TNPO2: variants seen among roughly 807,000 people sequenced by gnomAD.
TNPO2 encodes the protein transportin 2, also known as transportin-2.
Under a neutral mutation model 111.1 loss-of-function variants are expected in TNPO2, and 16 were observed. The ratio of observed to expected loss-of-function variants is 0.14; its 90% CI spans 0.10 to 0.22. The LOEUF is 0.22. Among genes scored for constraint, TNPO2 ranks in the 10% least tolerant of loss-of-function variants. The probability of loss-of-function intolerance (pLI) is 1.00; values close to 1 mark genes in which losing one functional copy is unlikely to be tolerated. For missense variants in TNPO2, 530 were observed against 1,173.7 expected (o/e 0.45, Z 8.01); for synonymous variants, 481 against 475.8 (o/e 1.01, Z -0.14).
chr19:12,702,923 G>C lies in TNPO2; in HGVS notation c.2210-5C>G. On this transcript the variant is annotated splice_polypyrimidine_tract_variant and splice_region_variant and intron_variant, in intron 20 of 25. Transcript: ENST00000425528. The surrounding 1 kb of genome is among the most constrained non-coding windows in gnomAD (Gnocchi z 5.5). ...CATAAGGCTGCATCTCTGCCCCTGG[G>C]GGAGCACCCAGTCAGAGCCCTGCAC... 1 of 1,613,546 alleles carries C rather than the reference G, an allele frequency of 6.2e-7. No individual in the cohort carries two copies. Among genetic ancestry groups the C allele is most frequent in the South Asian group, 1.1e-5 (1 of 91,058 alleles).
intron 1 of TNPO2, 83 bp downstream of exon 1, chr19:12,723,686 C>G (rs1382383231): frequency 2.0e-5 from 3 of 152,220 alleles, no homozygotes; most frequent in Non-Finnish European, 4.4e-5. Flanking sequence ...CCACCCTGCC[C>G]TGAGGAACTT....
In TNPO2 at chr19:12,705,130, A is replaced by T. The variant is rs2025563327; in HGVS notation, c.2022+110T>A. ...CAGGATTACTCTTTAAAATAATTAG[A>T]ACAGCACCTTTTCCCTGATTTCCTT... is the stretch of plus-strand genomic sequence containing the variant. On this transcript the variant is annotated intron_variant, in intron 18 of 25. Coordinates refer to ENST00000425528, the MANE Select transcript of TNPO2 (RefSeq NM_001382241.1). The surrounding 1 kb of genome is among the most constrained non-coding windows in gnomAD (Gnocchi z 7.2). The T allele has an allele frequency of 8.5e-7, 1 of 1,170,288 alleles. No individual in the cohort carries two copies. Among genetic ancestry groups the T allele is most frequent in the African/African-American group, 1.5e-5 (1 of 65,436 alleles). 72.5% of individuals were successfully genotyped at this position (1,170,288 alleles called of 1,614,324 possible). A position where few individuals can be genotyped will look rare whatever the true frequency, so the allele number is the denominator to read the frequency against.
rs1466144403 is a variant in TNPO2, at chr19:12,715,151, C to T, written c.667G>A (p.Val223Met). The change falls in exon 9 of 26, where the codon GTG becomes ATG. Residue 223 changes from valine to methionine, a missense_variant. Physicochemically the swap from Val to Met is conservative, Grantham distance 21. This residue lies in a region of TNPO2 where 156 missense variants were observed against 405.8 expected (regional missense o/e 0.38). Transcript: ENST00000425528. This position sits in a 1 kb window ranked among gnomAD's most constrained non-coding sequence, Gnocchi z 7.1. ...TTCCGCACCTCGGGGTCATCATCCACAGCCAGGGCAAATAGGTGCTGCAGG... is the reference window on the plus strand; with the variant it reads ...TTCCGCACCTCGGGGTCATCATCCATAGCCAGGGCAAATAGGTGCTGCAGG... ...TFIEHLFALA[V>M]DDDPEVRKNV... 1.2e-6 allele frequency: 2 copies of T among 1,607,258 alleles called. No homozygotes were observed. Among genetic ancestry groups the T allele is most frequent in the Admixed American group, 1.7e-5 (1 of 59,668 alleles).
chr19:12,708,831 A>C (rs545717191), intron 13 of TNPO2, among the ~76,000 whole-genome samples: 10 of 152,044 alleles, frequency 6.6e-5, no homozygotes, highest in African/African-American at 2.4e-4. Flanking sequence ...AGATTGCGCC[A>C]TTGCACTCCA....
At chr19:12,713,418 T>C (rs983763659) in intron 10 of TNPO2, among the ~76,000 whole-genome samples, 2 of 151,594 alleles carry the variant, frequency 1.3e-5, no homozygotes, top group South Asian at 4.2e-4. Context: ...TGCAGGAGGA[T>C]TGCCTGAGCC....
rs752161866 is a variant in TNPO2, at chr19:12,715,018, C to A, written c.771+29G>T. The A allele has an allele frequency of 5.7e-6, 9 of 1,574,630 alleles. No individual in the cohort carries two copies. The Admixed American group carries it at 1.7e-4, about 30-fold the overall frequency. On this transcript the variant is annotated intron_variant, in intron 9 of 25. Coordinates refer to ENST00000425528, the MANE Select transcript of TNPO2 (RefSeq NM_001382241.1). This position sits in a 1 kb window ranked among gnomAD's most constrained non-coding sequence, Gnocchi z 7.1. ...CCCCTGCCACCGGCCCCCTGCCTGC[C>A]CGCCTGGGCTGGCCTTGACCATGCA... is the stretch of plus-strand genomic sequence containing the variant.
chr19:12,714,678 T>C, intron 10 of TNPO2, 143 bp downstream of exon 10: 1 of 674,756 alleles, frequency 1.5e-6, no homozygotes, highest in Non-Finnish European at 2.5e-6. Context: ...GTGGCATTCT[T>C]ACCACTTACA....
chr19:12,717,130 A>C (rs1282057572), intron 5 of TNPO2, among the ~76,000 whole-genome samples: 1 of 145,334 alleles, frequency 6.9e-6, no homozygotes, highest in Non-Finnish European at 1.5e-5. Context: ...TGCTCCCTGC[A>C]ATGGGTAGGT....
Position 12,706,123 on chromosome 19 carries a change from C to T in TNPO2, c.1668+73G>A, listed in dbSNP as rs772361145. 4.6e-5 allele frequency: 71 copies of T among 1,542,916 alleles called. No individual in the cohort carries two copies. In the African/African-American group the frequency reaches 7.9e-4, roughly 17 times the overall value. ...ACGGCCACGTCCCTGGCGTGCAACA[C>T]GGGGTTGCCACCAGGTCACTGGATG... On this transcript the variant is annotated intron_variant, in intron 15 of 25. Transcript: ENST00000425528. This position sits in a 1 kb window ranked among gnomAD's most constrained non-coding sequence, Gnocchi z 7.0.
chr19:12,703,921 G>A, intron 18 of TNPO2, 120 bp from the exon 19 acceptor site: 1 of 887,666 alleles, frequency 1.1e-6, no homozygotes, highest in East Asian at 2.7e-5. Flanking sequence ...AGAGCTCCTA[G>A]CTGTTCCTTA....
At position 12,702,069 on chromosome 19, in the gene TNPO2, C is replaced by T. The variant is rs375320218; in HGVS notation, c.2411+3G>A. 2.7e-4 allele frequency: 432 copies of T among 1,613,236 alleles called. 2 individuals are homozygous for T. The highest frequency in any genetic ancestry group is 1.6e-4 in the Non-Finnish European group (193 of 1,179,688). ...ACAGCAGGCTTGACACGTGGACACACACCAAGGCCGGATGAACTGCTGCAG... is the reference window on the plus strand; with the variant it reads ...ACAGCAGGCTTGACACGTGGACACATACCAAGGCCGGATGAACTGCTGCAG... On this transcript the variant is annotated splice_donor_region_variant and intron_variant, in intron 22 of 25. Transcript: ENST00000425528. The surrounding 1 kb of genome is among the most constrained non-coding windows in gnomAD (Gnocchi z 5.5).
Position 12,721,974 on chromosome 19 carries a change from C to A in TNPO2, c.-13-984G>T, listed in dbSNP as rs1471098424. On this transcript the variant is annotated intron_variant, in intron 2 of 25. Coordinates refer to ENST00000425528, the MANE Select transcript of TNPO2 (RefSeq NM_001382241.1). This position sits in a 1 kb window ranked among gnomAD's most constrained non-coding sequence, Gnocchi z 4.9. The stretch of plus-strand genomic sequence containing the variant: ...TTCCCCTCAACGGATCCCAGCAACG[C>A]CTCGAAGTCAGATCCAAGAAAACCC... Among the ~76,000 whole-genome samples, 1 of 151,672 alleles carries A rather than the reference C, an allele frequency of 6.6e-6. No homozygotes were observed. The highest frequency in any genetic ancestry group is 1.5e-5 in the Non-Finnish European group (1 of 67,894).
chr19:12,715,746 C>G lies in TNPO2; in HGVS notation c.326-7G>C. 1 of 1,603,668 alleles carries G rather than the reference C, an allele frequency of 6.2e-7. No individual in the cohort carries two copies. The highest frequency in any genetic ancestry group is 8.5e-7 in the Non-Finnish European group (1 of 1,175,838). On this transcript the variant is annotated splice_polypyrimidine_tract_variant and splice_region_variant and intron_variant, in intron 5 of 25. Coordinates refer to ENST00000425528, the MANE Select transcript of TNPO2 (RefSeq NM_001382241.1). The surrounding 1 kb of genome is among the most constrained non-coding windows in gnomAD (Gnocchi z 7.1). Reference sequence around the variant, plus strand: ...ATGGTGGTGATGAGAATGCCTGGGGCGGCCGGGAAAGGACGCTGCCTGAGG... The same window carrying G: ...ATGGTGGTGATGAGAATGCCTGGGGGGGCCGGGAAAGGACGCTGCCTGAGG...
Position 12,705,440 on chromosome 19 carries a change from G to A in TNPO2, c.1864-42C>T, listed in dbSNP as rs1187900227. On this transcript the variant is annotated intron_variant, in intron 17 of 25. Transcript: ENST00000425528. The surrounding 1 kb of genome is among the most constrained non-coding windows in gnomAD (Gnocchi z 7.2). ...ACAGGGGCACGGGTAAGTGGAGCAGGCCCGAGGCAGGCCAATGCAGAAGCA... is the reference window on the plus strand; with the variant it reads ...ACAGGGGCACGGGTAAGTGGAGCAGACCCGAGGCAGGCCAATGCAGAAGCA... 5 of 1,574,458 alleles carry A rather than the reference G, an allele frequency of 3.2e-6. No individual in the cohort carries two copies. Among genetic ancestry groups the A allele is most frequent in the Non-Finnish European group, 4.3e-6 (5 of 1,160,104 alleles).
At position 12,715,264 on chromosome 19, in the gene TNPO2, G is replaced by A; in HGVS notation, c.627C>T (p.Asp209=). The A allele has an allele frequency of 6.2e-7, 1 of 1,613,506 alleles. No homozygotes were observed. Among genetic ancestry groups the A allele is most frequent in the African/African-American group, 1.3e-5 (1 of 74,994 alleles). The change falls in exon 8 of 26, where the codon GAC becomes GAT. Residue 209 remains aspartate, a synonymous_variant. Coordinates refer to ENST00000425528, the MANE Select transcript of TNPO2 (RefSeq NM_001382241.1). This position sits in a 1 kb window ranked among gnomAD's most constrained non-coding sequence, Gnocchi z 7.1. ...CCACCTCGATGAAGGTGTCAATATT[G>A]TCCATCAGCGCCTGGGCCCGGTCCA... ...FIMDRAQALM[D]NIDTFIEHLF... is the part of the protein sequence containing the mutation.
intron 10 of TNPO2, among the ~76,000 whole-genome samples, chr19:12,712,158 C>T (rs1304612180): frequency 1.3e-5 from 2 of 152,152 alleles, no homozygotes; most frequent in Admixed American, 6.5e-5. Flanking sequence ...TGAGGTGTGA[C>T]CAGAAGACAA....
intron 3 of TNPO2, among the ~76,000 whole-genome samples, chr19:12,720,429 T>C (rs754332467): frequency 1.3e-4 from 20 of 152,054 alleles, no homozygotes; most frequent in Non-Finnish European, 2.4e-4. Flanking sequence ...CTAGCCATCC[T>C]CCCACCTCAT....
At position 12,719,205 on chromosome 19, in the gene TNPO2, G is replaced by C; in HGVS notation, c.176-27C>G. ...TGGGAGGAGGAAGGCTGAGGTTCAG[G>C]GGCCCAGGGGGAGAAAGCAGGGTCC... On this transcript the variant is annotated intron_variant, in intron 4 of 25. Coordinates refer to ENST00000425528, the MANE Select transcript of TNPO2 (RefSeq NM_001382241.1). This position sits in a 1 kb window ranked among gnomAD's most constrained non-coding sequence, Gnocchi z 5.0. 1 of 1,613,842 alleles carries C rather than the reference G, an allele frequency of 6.2e-7. No individual in the cohort carries two copies. The highest frequency in any genetic ancestry group is 8.5e-7 in the Non-Finnish European group (1 of 1,179,760).
rs746465589 is a variant in TNPO2, at chr19:12,719,007, C to G, written c.325+22G>C. 5.6e-6 allele frequency: 9 copies of G among 1,611,618 alleles called. No individual in the cohort carries two copies. Among genetic ancestry groups the G allele is most frequent in the South Asian group, 1.1e-5 (1 of 90,910 alleles). On this transcript the variant is annotated intron_variant, in intron 5 of 25. Transcript: ENST00000425528. This position sits in a 1 kb window ranked among gnomAD's most constrained non-coding sequence, Gnocchi z 5.0. Reference sequence around the variant, plus strand: ...GAGAGTTCAGTGTGTCCTCAGAGGCCAACCCCCGCTGCCCCTCTCACCAAT... The same window carrying G: ...GAGAGTTCAGTGTGTCCTCAGAGGCGAACCCCCGCTGCCCCTCTCACCAAT...
Sources: allele counts gnomAD v4.1 joint callset (sites outside exome capture counted in the v4.1 genomes callset), GRCh38; gene constraint gnomAD v4.1.1; regional missense constraint gnomAD v4.1.1; non-coding constraint Gnocchi (gnomAD v3.1); transcripts MANE v1.5; gene names NCBI Gene and HGNC (gene_info 2026-07-23, HGNC 2026-07-21).